NID1: variants seen among roughly 807,000 people sequenced by gnomAD.
NID1 encodes the protein nidogen-1.
Under a neutral mutation model 130.6 loss-of-function variants are expected in NID1, and 76 were observed. That is an observed-to-expected ratio of 0.58 (90% CI 0.48 to 0.70). NID1 has a LOEUF of 0.70. Among genes scored for constraint, NID1 ranks in the 30% least tolerant of loss-of-function variants. The pLI, the probability that NID1 is intolerant of heterozygous loss-of-function variation, is 0.00. For missense variants in NID1, 1,517 were observed against 1,664.8 expected, an observed-to-expected ratio of 0.91 and a Z score of 1.54; for synonymous variants, 665 against 675.1, an observed-to-expected ratio of 0.98 and a Z score of 0.23.
chr1:236,046,960 G>A lies in NID1; in HGVS notation c.526-1277C>T, dbSNP rs369955710. ...GAGACTGCTCAGTTAAACAATATTC[G>A]GCAAGGCTGGAATGGTGGCTCACGC... On this transcript the variant is annotated intron_variant, in intron 2 of 19. Transcript: ENST00000264187. 3.3e-5 allele frequency among the ~76,000 whole-genome samples: 5 copies of A among 152,034 alleles called. No individual in the cohort carries two copies. The East Asian group carries it at 5.8e-4, about 18-fold the overall frequency.
chr1:236,060,434 C>G (rs1309944341), intron 1 of NID1, among the ~76,000 whole-genome samples: 1 of 152,128 alleles, frequency 6.6e-6, no homozygotes, highest in Non-Finnish European at 1.5e-5. Context: ...CCTATCTCAT[C>G]CTTTGACTTA....
intron 9 of NID1, among the ~76,000 whole-genome samples, chr1:236,022,379 C>T (rs1658791742): frequency 6.7e-6 from 1 of 148,460 alleles, no homozygotes; most frequent in South Asian, 2.1e-4. Flanking sequence ...CACTCTGTCA[C>T]CCAGGCTGGA....
At chr1:236,002,787 T>C (rs1658119243) in intron 12 of NID1, among the ~76,000 whole-genome samples, 2 of 152,152 alleles carry the variant, frequency 1.3e-5, no homozygotes, top group African/African-American at 4.8e-5. Flanking sequence ...AACGAGGCCA[T>C]GTGAGAGTCA....
chr1:236,009,780 T>C (rs1242222122), intron 12 of NID1, among the ~76,000 whole-genome samples: 6 of 152,232 alleles, frequency 3.9e-5, no homozygotes, highest in Non-Finnish European at 8.8e-5. Flanking sequence ...GTCATTTATA[T>C]TTTTTTCTAT....
chr1:236,011,296 C>CTTTTTTTT (rs3077493), intron 12 of NID1, among the ~76,000 whole-genome samples: 2 of 135,948 alleles, frequency 1.5e-5, no homozygotes. Context: ...CAAATATATT[C>CTTTTTTTT]TTTTTTTTTC....
chr1:236,022,258 C>T (rs778996597), intron 9 of NID1, among the ~76,000 whole-genome samples: 1 of 151,760 alleles, frequency 6.6e-6, no homozygotes, highest in African/African-American at 2.4e-5. Context: ...CAGAGTGAGA[C>T]CCTGTCTCAA....
chr1:236,038,879 T>G (rs191616346), intron 4 of NID1, among the ~76,000 whole-genome samples: 6,970 of 117,132 alleles, frequency 0.06, 1,320 homozygotes, highest in East Asian at 0.29. Flanking sequence ...TAATATATAT[T>G]ACCTATGTTA....
In NID1 at chr1:235,993,761, G is replaced by A. The variant is rs911258804; in HGVS notation, c.2639C>T (p.Ala880Val). The A allele has an allele frequency of 1.2e-6, 2 of 1,613,842 alleles. No individual in the cohort carries two copies. The highest frequency in any genetic ancestry group is 1.7e-6 in the Non-Finnish European group (2 of 1,179,992). Reference sequence around the variant, plus strand: ...CTGGGTGGGCGCGTAGTGCCCGTGCGCATCGCACTCAGGAACGAACAGCCC... The same window carrying A: ...CTGGGTGGGCGCGTAGTGCCCGTGCACATCGCACTCAGGAACGAACAGCCC... Reference protein sequence around the residue: ...PPGLFVPECDAHGHYAPTQCH... With the variant: ...PPGLFVPECDVHGHYAPTQCH... The change falls in exon 13 of 20, where the codon GCG (alanine) becomes GTG (valine). Residue 880 changes from alanine to valine, a missense_variant. By Grantham distance (64) the Ala-to-Val change is moderately conservative. Coordinates refer to ENST00000264187, the MANE Select transcript of NID1 (RefSeq NM_002508.3).
At chr1:236,047,096 G>C (rs1195507631) in intron 2 of NID1, among the ~76,000 whole-genome samples, 1 of 152,172 alleles carries the variant, frequency 6.6e-6, no homozygotes, top group Non-Finnish European at 1.5e-5. Flanking sequence ...GGGTGACAGA[G>C]CAAGACTCTG....
chr1:236,048,624 G>A (rs1443866385), intron 2 of NID1, 66 bp downstream of exon 2: 13 of 1,534,038 alleles, frequency 8.5e-6, no homozygotes, highest in Admixed American at 6.3e-5. Context: ...AGCACAAGGC[G>A]TGAGACCAAA....
At chr1:236,037,774 T>G (rs958803877) in intron 5 of NID1, among the ~76,000 whole-genome samples, 1 of 152,116 alleles carries the variant, frequency 6.6e-6, no homozygotes, top group African/African-American at 2.4e-5. Context: ...ACATAAACAA[T>G]TCTTTGTCCA....
intron 12 of NID1, among the ~76,000 whole-genome samples, chr1:236,003,424 T>C (rs1478833554): frequency 6.6e-6 from 1 of 152,200 alleles, no homozygotes; most frequent in African/African-American, 2.4e-5. Context: ...CTAACCCCCA[T>C]ATCTTCATGC....
At position 236,017,260 on chromosome 1, in the gene NID1, A is replaced by G. The variant is rs748012620; in HGVS notation, c.2142T>C (p.Cys714=). The G allele has an allele frequency of 2.5e-6, 4 of 1,614,162 alleles. No homozygotes were observed. In the East Asian group the frequency reaches 8.9e-5, roughly 36 times the overall value. ...DGRTCYDIDE[C]SEQPSVCGSH... ...TCCCACACACTGAGGGTTGTTCTGA[A>G]CATTCATCAATATCTGCAGCAAAAA... The change falls in exon 10 of 20, where the codon TGT becomes TGC. Residue 714 remains cysteine (C), a synonymous_variant. Transcript: ENST00000264187.
intron 1 of NID1, 99 bp from the exon 2 acceptor site, chr1:236,049,088 C>A (rs1474427613): frequency 1.6e-6 from 2 of 1,254,546 alleles, no homozygotes; most frequent in African/African-American, 3.0e-5. Context: ...TGTACCCATG[C>A]TGTGTAGAAT....
intron 5 of NID1, among the ~76,000 whole-genome samples, chr1:236,033,735 T>C (rs1558441095): frequency 1.3e-5 from 2 of 152,228 alleles, no homozygotes; most frequent in Non-Finnish European, 2.9e-5. Flanking sequence ...TGTTGGCATA[T>C]ACCTGGGGGA....
At chr1:236,020,134 A>G (rs964812323) in intron 9 of NID1, among the ~76,000 whole-genome samples, 1 of 152,078 alleles carries the variant, frequency 6.6e-6, no homozygotes, top group South Asian at 2.1e-4. Context: ...AACTGGCAAT[A>G]ACTGTCTCTC....
chr1:236,057,775 A>G (rs908836439), intron 1 of NID1, among the ~76,000 whole-genome samples: 2 of 152,146 alleles, frequency 1.3e-5, no homozygotes, highest in Admixed American at 6.6e-5. Context: ...AGAAAAGAAA[A>G]GAAAAAAAGA....
At chr1:236,010,302 T>G (rs1225919391) in intron 12 of NID1, among the ~76,000 whole-genome samples, 1 of 135,616 alleles carries the variant, frequency 7.4e-6, no homozygotes, top group Non-Finnish European at 1.5e-5. Context: ...TATTTATACT[T>G]TTTTTTTTTT....
intron 5 of NID1, 115 bp downstream of exon 5, chr1:236,037,989 G>C: frequency 8.0e-7 from 1 of 1,257,640 alleles, no homozygotes; most frequent in South Asian, 1.8e-5. Flanking sequence ...GCTGCCATAA[G>C]AAAAACTCTA....
Sources: gnomAD v4.1 joint callset for allele counts (sites outside exome capture counted in the v4.1 genomes callset) on GRCh38, gnomAD v4.1.1 for gene constraint, MANE v1.5 for transcripts, NCBI Gene and HGNC (gene_info 2026-07-23, HGNC 2026-07-21) for gene names.